Variants in MADD observed in about 807,000 individuals in gnomAD.
MADD encodes MAP kinase activating death domain.
Under a neutral mutation model 176.7 loss-of-function variants are expected in MADD, and 109 were observed. The observed-to-expected ratio is 0.62, with a 90% CI of 0.53 to 0.72. MADD has a LOEUF of 0.72. Among genes scored for constraint, MADD ranks in the 30% least tolerant of loss-of-function variants. The probability of loss-of-function intolerance (pLI) is 0.00; values close to 1 mark genes in which losing one functional copy is unlikely to be tolerated. For synonymous variants in MADD, 771 were observed against 771.3 expected (o/e 1.00, Z 0.01); for missense variants, 1,914 against 2,045.5 (o/e 0.94, Z 1.24).
chr11:47,328,310 C>T lies in MADD; in HGVS notation c.4613-348C>T, dbSNP rs1304843889. 2.5e-6 allele frequency: 3 copies of T among 1,188,170 alleles called. No homozygotes were observed. The Admixed American group carries it at 1.3e-4, about 50-fold the overall frequency. The allele number at this position is 1,188,170 out of a possible 1,614,324, so 73.6% of individuals were successfully genotyped here. A position where few individuals can be genotyped will look rare whatever the true frequency, so the allele number is the denominator to read the frequency against. ...GCCAAAACCTGGGAATTCCCCACTG[C>T]AGCTCCTCAGGGGCCCTGGACAGTA... On this transcript the variant is annotated intron_variant, in intron 31 of 32. Coordinates refer to ENST00000402192, the Ensembl canonical transcript of MADD.
At chr11:47,282,240 G>A in intron 8 of MADD, 141 bp from the exon 9 acceptor site, 1 of 644,414 alleles carries the variant, frequency 1.6e-6, no homozygotes, top group Non-Finnish European at 2.7e-6. Context: ...GATGAAGAGG[G>A]GGCTGATGAT....
rs1414568566 is a variant in MADD, at chr11:47,325,858, G to C, written c.4543-880G>C. Among the ~76,000 whole-genome samples the C allele has an allele frequency of 6.6e-6, 1 of 152,252 alleles. No homozygotes were observed. Among genetic ancestry groups the C allele is most frequent in the Non-Finnish European group, 1.5e-5 (1 of 68,052 alleles). ...CCATCCAAGCCAGTCTGTGGTTGAA[G>C]GCTTGGCCCCTAGAAGATAGACTGC... On this transcript the variant is annotated intron_variant, in intron 30 of 32. Transcript: ENST00000402192. The surrounding 1 kb of genome is among the most constrained non-coding windows in gnomAD (Gnocchi z 4.5).
rs562892431 is a variant in MADD, at chr11:47,274,097, T to C, written c.62+121T>C. The stretch of plus-strand genomic sequence containing the variant: ...CTCATCTTCTCCTGTTATTTTACCC[T>C]GATGGGAGCATCGAAGCCAGTAGGG... On this transcript the variant is annotated intron_variant, in intron 2 of 32. Transcript: ENST00000402192. 3 of 943,284 alleles carry C rather than the reference T, an allele frequency of 3.2e-6. No individual in the cohort carries two copies. In the Admixed American group the frequency reaches 6.6e-5, roughly 21 times the overall value. 58.4% of individuals were successfully genotyped at this position (943,284 alleles called of 1,614,324 possible). A position where few individuals can be genotyped will look rare whatever the true frequency, so the allele number is the denominator to read the frequency against.
chr11:47,301,638 A>C (rs1202663314), intron 22 of MADD, among the ~76,000 whole-genome samples: 1 of 151,886 alleles, frequency 6.6e-6, no homozygotes, highest in Non-Finnish European at 1.5e-5. Context: ...TTTTATGTTC[A>C]TTTGTGTGAA....
Position 47,282,932 on chromosome 11 carries a change from C to T in MADD, c.1825C>T (p.Pro609Ser), listed in dbSNP as rs770533707. Residue 609 changes from proline to serine, a missense_variant, in exon 10 of 33, where the codon CCA (proline) becomes TCA (serine). Physicochemically the swap from Pro to Ser is moderately conservative, Grantham distance 74 (BLOSUM62 -1). Coordinates refer to ENST00000402192, the Ensembl canonical transcript of MADD. ...GCTGGCTGAGGCCCTGAGTGTACCA[C>T]CAGAGCGGGACTCTGACTCCGAACC... 5 of 1,613,860 alleles carry T rather than the reference C, an allele frequency of 3.1e-6. No individual in the cohort carries two copies. In the South Asian group the frequency reaches 4.4e-5, roughly 14 times the overall value.
intron 22 of MADD, among the ~76,000 whole-genome samples, chr11:47,304,267 G>A (rs913417463): frequency 7.2e-6 from 1 of 138,982 alleles, no homozygotes; most frequent in Non-Finnish European, 1.5e-5. Context: ...TTTCGCTCTT[G>A]TTGCCTAGGC....
chr11:47,325,709 C>G lies in MADD; in HGVS notation c.4543-1029C>G, dbSNP rs7124958. On this transcript the variant is annotated intron_variant, in intron 30 of 32. Coordinates refer to ENST00000402192, the Ensembl canonical transcript of MADD. This position sits in a 1 kb window ranked among gnomAD's most constrained non-coding sequence, Gnocchi z 4.5. ...CTGGACCACAAAGGTGTCAGTACTT[C>G]TTGGGGAGCAGACTTCTGACCACAT... Among the ~76,000 whole-genome samples, 1 of 152,092 alleles carries G rather than the reference C, an allele frequency of 6.6e-6. No individual in the cohort carries two copies. Among genetic ancestry groups the G allele is most frequent in the African/African-American group, 2.4e-5 (1 of 41,396 alleles).
At chr11:47,290,095 G>T in intron 17 of MADD, 42 bp downstream of exon 18, 1 of 1,612,572 alleles carries the variant, frequency 6.2e-7, no homozygotes, top group Non-Finnish European at 8.5e-7. Flanking sequence ...TGGAGAGAGG[G>T]ATGTGAACAC....
chr11:47,313,310 CTT>C (rs1215130526), intron 26 of MADD, among the ~76,000 whole-genome samples: 14 of 144,518 alleles, frequency 9.7e-5, no homozygotes, highest in Non-Finnish European at 9.2e-5. Flanking sequence ...TATTTTCTTT[CTT>C]TTTTTTTTTT....
chr11:47,295,577 G>A lies in MADD; in HGVS notation c.3483+1G>A, dbSNP rs763025350. ...AAGTCAGGATTCTGAAGTTAGCACCGTGGTAGGGGAACACCACACTGGCAT... is the reference window on the plus strand; with the variant it reads ...AAGTCAGGATTCTGAAGTTAGCACCATGGTAGGGGAACACCACACTGGCAT... On this transcript the variant is annotated splice_donor_variant, in intron 21 of 32. Transcript: ENST00000402192. LOFTEE classifies it high-confidence loss of function. 10 of 1,614,080 alleles carry A rather than the reference G, an allele frequency of 6.2e-6. No individual in the cohort carries two copies. Among genetic ancestry groups the A allele is most frequent in the Admixed American group, 1.7e-5 (1 of 60,000 alleles).
At chr11:47,278,014 C>G (rs1218157569) in intron 5 of MADD, 151 bp from the exon 6 acceptor site, 6 of 631,650 alleles carry the variant, frequency 9.5e-6, no homozygotes, top group Non-Finnish European at 1.7e-5. Flanking sequence ...TTCAAAAAAT[C>G]TGAAAAATTC....
upstream of MADD, chr11:47,269,707 G>C (rs527480869): frequency 6.6e-6 from 1 of 151,772 alleles, no homozygotes; most frequent in South Asian, 2.1e-4. Context: ...TCCACCGCTC[G>C]GCAGCCGGCT....
intron 26 of MADD, among the ~76,000 whole-genome samples, chr11:47,312,457 T>G (rs1385599200): frequency 1.3e-5 from 2 of 151,772 alleles, no homozygotes; most frequent in Admixed American, 1.3e-4. Context: ...AGAGTTTCAC[T>G]CTCTTGTTGC....
chr11:47,271,919 G>C (rs1427037079), intron 1 of MADD: 1 of 152,146 alleles, frequency 6.6e-6, no homozygotes, highest in Non-Finnish European at 1.5e-5. Flanking sequence ...TTGCAGTTGG[G>C]AGAACCAAGG....
chr11:47,282,709 T>G, intron 9 of MADD, 93 bp downstream of exon 9: 1 of 1,589,198 alleles, frequency 6.3e-7, no homozygotes, highest in South Asian at 1.1e-5. Context: ...GACCTGTGCC[T>G]TCTATCCTGG....
At chr11:47,324,615 C>A in intron 30 of MADD, 38 bp downstream of exon 33, 1 of 1,431,602 alleles carries the variant, frequency 7.0e-7, no homozygotes, top group Non-Finnish European at 9.8e-7. Flanking sequence ...CCTGTCGTTC[C>A]ATCTGTAAGA....
exon 3 of MADD, chr11:47,274,922 C>T: frequency 6.2e-7 from 1 of 1,613,784 alleles, no homozygotes; most frequent in Non-Finnish European, 8.5e-7. Flanking sequence ...AGTGGCTCAT[C>T]CCTGCAGCCT....
At chr11:47,276,284 A>G in intron 4 of MADD, 82 bp downstream of exon 4, 1 of 1,362,228 alleles carries the variant, frequency 7.3e-7, no homozygotes, top group South Asian at 1.5e-5. Context: ...CTTAGAGGAC[A>G]GGGACTACAT....
chr11:47,281,797 T>G (rs1025575117), intron 8 of MADD, 44 bp downstream of exon 8: 5 of 1,490,530 alleles, frequency 3.4e-6, no homozygotes, highest in Non-Finnish European at 4.5e-6. Context: ...TTAAATTAAT[T>G]TCTTTGCTCT....
Sources: allele counts gnomAD v4.1 joint callset (sites outside exome capture counted in the v4.1 genomes callset), GRCh38; gene constraint gnomAD v4.1.1; non-coding constraint Gnocchi (gnomAD v3.1); transcripts MANE v1.5; gene names NCBI Gene and HGNC (gene_info 2026-07-23, HGNC 2026-07-21).